C12orf56: variants seen among roughly 807,000 people sequenced by gnomAD.
C12orf56 encodes chromosome 12 open reading frame 56.
Under a neutral mutation model 69.9 loss-of-function variants are expected in C12orf56, and 71 were observed. The observed-to-expected ratio is 1.02, with a 90% CI of 0.84 to 1.24. C12orf56 has a LOEUF of 1.24. Ranked by LOEUF, C12orf56 falls within the 50% of genes most tolerant of loss-of-function variation. The pLI is 0.00. For missense variants in C12orf56, 732 were observed against 738.5 expected (o/e 0.99, Z 0.10); for synonymous variants, 276 against 274.1 (o/e 1.01, Z -0.07).
rs1039016073 is a variant in C12orf56, at chr12:64,318,873, G to T, written c.596C>A (p.Ser199Tyr). The change falls in exon 4 of 13, where the codon TCC becomes TAC. Residue 199 changes from serine (S) to tyrosine (Y), a missense_variant. Coordinates refer to ENST00000543942, the MANE Select transcript of C12orf56 (RefSeq NM_001170633.2). ...AGACTGAGAGCTCCTCCTGGAGGGG[G>T]AAGGTAGGGGTCGAAAGGCACCTTG... is the stretch of plus-strand genomic sequence containing the variant. ...HGQGAFRPLP[S>Y]PSRRSSQSAP... 1.3e-6 allele frequency: 2 copies of T among 1,537,222 alleles called. No individual in the cohort carries two copies. The highest frequency in any genetic ancestry group is 1.7e-6 in the Non-Finnish European group (2 of 1,146,898).
chr12:64,325,188 G>A (rs17223151), intron 3 of C12orf56, among the ~76,000 whole-genome samples: 1 of 151,804 alleles, frequency 6.6e-6, no homozygotes, highest in African/African-American at 2.4e-5. Flanking sequence ...TCCTCACATT[G>A]CCCAGTCAGC....
At chr12:64,303,489 A>G (rs2136804993) in intron 6 of C12orf56, 146 bp downstream of exon 6, 1 of 688,664 alleles carries the variant, frequency 1.5e-6, no homozygotes, top group South Asian at 2.2e-5. Context: ...ATCCACCATT[A>G]AGACATGACT....
intron 2 of C12orf56, among the ~76,000 whole-genome samples, chr12:64,334,949 G>A (rs2038974083): frequency 6.6e-6 from 1 of 152,116 alleles, no homozygotes; most frequent in Non-Finnish European, 1.5e-5. Context: ...CAGTTATTCA[G>A]CAGCACTAGC....
rs536932259 is a variant in C12orf56 at position 64,349,365 on chromosome 12, G to A, written c.415+3529C>T. Among the ~76,000 whole-genome samples the A allele has an allele frequency of 3.3e-5, 5 of 152,262 alleles. No individual in the cohort carries two copies. In the South Asian group the frequency reaches 1.0e-3, roughly 32 times the overall value. On this transcript the variant is annotated intron_variant, in intron 2 of 12. Transcript: ENST00000543942. ...AATGGCCATAATCAAAAAATCAATA[G>A]ATGCTGGCATGGATGCAGTGATCAG...
chr12:64,314,437 T>C (rs2038663870), intron 4 of C12orf56, among the ~76,000 whole-genome samples: 1 of 152,212 alleles, frequency 6.6e-6, no homozygotes, highest in South Asian at 2.1e-4. Flanking sequence ...ATAGCATAGA[T>C]ACACAACACT....
At chr12:64,278,458 T>A (rs1472143097) in intron 8 of C12orf56, among the ~76,000 whole-genome samples, 1 of 152,128 alleles carries the variant, frequency 6.6e-6, no homozygotes, top group African/African-American at 2.4e-5. Flanking sequence ...CAGTTTTTAC[T>A]TTTTTTAATT....
intron 1 of C12orf56, among the ~76,000 whole-genome samples, chr12:64,379,455 T>G (rs901646888): frequency 6.6e-6 from 1 of 151,872 alleles, no homozygotes; most frequent in Non-Finnish European, 1.5e-5. Flanking sequence ...CGGCTATTTT[T>G]TTGTATTTTT....
intron 1 of C12orf56, among the ~76,000 whole-genome samples, chr12:64,381,298 T>C (rs1390762006): frequency 1.3e-5 from 2 of 152,088 alleles, no homozygotes; most frequent in Non-Finnish European, 2.9e-5. Flanking sequence ...AAGTGCAGAG[T>C]CTGCAAAATA....
intron 6 of C12orf56, among the ~76,000 whole-genome samples, chr12:64,302,054 G>A (rs2038453354): frequency 6.6e-6 from 1 of 152,120 alleles, no homozygotes; most frequent in Non-Finnish European, 1.5e-5. Context: ...CTGTGTGTGG[G>A]GTGGACTGGA....
chr12:64,369,261 A>G lies in C12orf56; in HGVS notation c.253-16205T>C, dbSNP rs1212460540. On this transcript the variant is annotated intron_variant, in intron 1 of 12. Transcript: ENST00000543942. ...TGCCCAGGCTGGAGTGCAGTGGCAC[A>G]ATCTTGGCTCACTGCAACCTCTGCC... 2.0e-5 allele frequency among the ~76,000 whole-genome samples: 3 copies of G among 152,004 alleles called. No homozygotes were observed. The East Asian group carries it at 5.8e-4, about 29-fold the overall frequency.
intron 5 of C12orf56, among the ~76,000 whole-genome samples, chr12:64,307,111 A>G (rs949751791): frequency 6.6e-6 from 1 of 152,198 alleles, no homozygotes; most frequent in African/African-American, 2.4e-5. Context: ...CTGTTTTATT[A>G]CACAATTAGC....
intron 12 of C12orf56, among the ~76,000 whole-genome samples, chr12:64,270,135 C>A (rs1471765322): frequency 6.6e-6 from 1 of 152,054 alleles, no homozygotes; most frequent in African/African-American, 2.4e-5. Context: ...CGGTGGCTCA[C>A]ACCTGTAATC....
intron 5 of C12orf56, among the ~76,000 whole-genome samples, chr12:64,304,812 C>T (rs531077923): frequency 1.2e-4 from 18 of 152,250 alleles, no homozygotes; most frequent in Non-Finnish European, 2.5e-4. Flanking sequence ...ACGCATTTTA[C>T]AGGAAGTTGT....
chr12:64,369,221 G>A (rs983276522), intron 1 of C12orf56, among the ~76,000 whole-genome samples: 4 of 150,384 alleles, frequency 2.7e-5, no homozygotes, highest in South Asian at 4.2e-4. Context: ...TTTTTTAGAC[G>A]GAGTTTCATT....
chr12:64,341,409 C>A (rs1487880651), intron 2 of C12orf56, among the ~76,000 whole-genome samples: 4 of 152,148 alleles, frequency 2.6e-5, no homozygotes, highest in Non-Finnish European at 5.9e-5. Flanking sequence ...TCTGCCCCAG[C>A]CCTGCAAAGT....
chr12:64,367,633 G>A lies in C12orf56; in HGVS notation c.253-14577C>T, dbSNP rs187910062. On this transcript the variant is annotated intron_variant, in intron 1 of 12. Transcript: ENST00000543942. Reference sequence around the variant, plus strand: ...CGATTCTCCTGCCTCAGCCTCCCGAGTAGCTGAAATTACAGGCACCCACCA... The same window carrying A: ...CGATTCTCCTGCCTCAGCCTCCCGAATAGCTGAAATTACAGGCACCCACCA... Among the ~76,000 whole-genome samples, 666 of 150,666 alleles carry A rather than the reference G, an allele frequency of 4.4e-3. 3 individuals are homozygous for A. Among genetic ancestry groups the A allele is most frequent in the Non-Finnish European group, 7.1e-3 (478 of 67,744 alleles).
intron 2 of C12orf56, 75 bp from the exon 3 acceptor site, chr12:64,331,107 T>C: frequency 8.1e-7 from 1 of 1,238,120 alleles, no homozygotes; most frequent in South Asian, 1.4e-5. Flanking sequence ...TAGTCTCATG[T>C]ACTGATTAAA....
chr12:64,349,035 C>T (rs1214210432), intron 2 of C12orf56, among the ~76,000 whole-genome samples: 3 of 152,172 alleles, frequency 2.0e-5, no homozygotes, highest in African/African-American at 7.2e-5. Flanking sequence ...CTCTGCTGCA[C>T]AGCCTGGAGT....
At chr12:64,305,941 T>C (rs2038506256) in intron 5 of C12orf56, among the ~76,000 whole-genome samples, 1 of 152,228 alleles carries the variant, frequency 6.6e-6, no homozygotes, top group African/African-American at 2.4e-5. Context: ...AGCAGAATTA[T>C]TTTGAAATTG....
Sources: allele counts gnomAD v4.1 joint callset (sites outside exome capture counted in the v4.1 genomes callset), GRCh38; gene constraint gnomAD v4.1.1; transcripts MANE v1.5; gene names NCBI Gene and HGNC (gene_info 2026-07-23, HGNC 2026-07-21).